Variants in TRIML1 observed in about 807,000 individuals in gnomAD.
TRIML1 encodes the protein probable E3 ubiquitin-protein ligase TRIML1.
TRIML1 carries 34 observed loss-of-function variants against 32.3 expected under a neutral mutation model. The observed-to-expected ratio is 1.05, with a 90% CI of 0.80 to 1.40. The LOEUF is 1.40. Ranked by LOEUF, TRIML1 falls within the 40% of genes most tolerant of loss-of-function variation. The probability of loss-of-function intolerance (pLI) is 0.00; values close to 1 mark genes in which losing one functional copy is unlikely to be tolerated. For missense variants in TRIML1, 595 were observed against 574.9 expected (o/e 1.03, Z -0.36); for synonymous variants, 244 against 226.6 (o/e 1.08, Z -0.69).
rs1734819246 is a variant in TRIML1, at chr4:188,140,643, T to C, written c.504+20T>C. The C allele has an allele frequency of 1.3e-6, 2 of 1,576,890 alleles. No homozygotes were observed. Among genetic ancestry groups the C allele is most frequent in the African/African-American group, 2.7e-5 (2 of 74,156 alleles). ...TGCCAGGTCGGTGTCTGTCTGACTT[T>C]TGCTGCTTGTATATGACCCCATAAG... On this transcript the variant is annotated intron_variant, in intron 2 of 5. Coordinates refer to ENST00000332517, the MANE Select transcript of TRIML1 (RefSeq NM_178556.5).
chr4:188,149,962 A>C (rs1351878923), downstream of TRIML1, among the ~76,000 whole-genome samples: 2 of 151,754 alleles, frequency 1.3e-5, no homozygotes, highest in Non-Finnish European at 2.9e-5. Context: ...GCGCACCACC[A>C]TGCCCAGCTA....
downstream of TRIML1, among the ~76,000 whole-genome samples, chr4:188,149,923 C>T (rs1294012201): frequency 3.9e-5 from 6 of 152,060 alleles, no homozygotes; most frequent in Admixed American, 3.9e-4. Flanking sequence ...CTGCCTCAGC[C>T]TCCCGAGTAG....
downstream of TRIML1, among the ~76,000 whole-genome samples, chr4:188,150,537 C>A (rs1025946384): frequency 6.6e-6 from 1 of 152,092 alleles, no homozygotes; most frequent in African/African-American, 2.4e-5. Flanking sequence ...TTCTCAATTA[C>A]CAAAAATCCC....
At chr4:188,137,523 G>T (rs1295939750), upstream of TRIML1, among the ~76,000 whole-genome samples, 8 of 146,624 alleles carry the variant, frequency 5.5e-5, no homozygotes, top group African/African-American at 2.0e-4. Context: ...TGTTGCCCAG[G>T]CTGGAGTGCA....
chr4:188,140,661 C>T, intron 2 of TRIML1, 38 bp downstream of exon 2: 1 of 1,427,458 alleles, frequency 7.0e-7, no homozygotes, highest in Non-Finnish European at 9.8e-7. Context: ...TGTATATGAC[C>T]CCATAAGGGG....
rs1300689288 is a variant in TRIML1, at chr4:188,147,575, G to A, written c.*203G>A. ...TCAACTTCAACCCCAATAGAAGAGA[G>A]CTGATCATATTCTGTGTCTTTAAGT... On this transcript the variant is annotated 3_prime_UTR_variant, in exon 6 of 6. Coordinates refer to ENST00000332517, the MANE Select transcript of TRIML1 (RefSeq NM_178556.5). 1.7e-5 allele frequency: 7 copies of A among 405,292 alleles called. No homozygotes were observed. The highest frequency in any genetic ancestry group is 2.6e-5 in the Non-Finnish European group (6 of 232,484). 25.1% of individuals were successfully genotyped at this position (405,292 alleles called of 1,614,324 possible).
In TRIML1 at chr4:188,147,115, G is replaced by C. The variant is rs766232239; in HGVS notation, c.1150G>C (p.Gly384Arg). 1 of 1,613,930 alleles carries C rather than the reference G, an allele frequency of 6.2e-7. No homozygotes were observed. The highest frequency in any genetic ancestry group is 8.5e-7 in the Non-Finnish European group (1 of 1,180,026). ...GTTCTCACTAATAGGTTTAAAAATCGGAGATGATTACAGCCTCTGGGTCTC... is the reference window on the plus strand; with the variant it reads ...GTTCTCACTAATAGGTTTAAAAATCCGAGATGATTACAGCCTCTGGGTCTC... ...DLFSLIGLKI[G>R]DDYSLWVSSP... Residue 384 changes from glycine (G) to arginine (R), a missense_variant, in exon 6 of 6, where the codon GGA (glycine) becomes CGA (arginine). Physicochemically the swap from Gly to Arg is moderately radical, Grantham distance 125. Coordinates refer to ENST00000332517, the MANE Select transcript of TRIML1 (RefSeq NM_178556.5).
At chr4:188,143,609 A>G in intron 3 of TRIML1, 1 of 594,000 alleles carries the variant, frequency 1.7e-6, no homozygotes, top group Non-Finnish European at 3.0e-6. Context: ...ATACGAGAAA[A>G]AGAAAAGGAC....
rs1367003758 is a variant in TRIML1 at position 188,146,816 on chromosome 4, T to C, written c.857-6T>C. 7.4e-7 allele frequency: 1 copy of C among 1,360,492 alleles called. No homozygotes were observed. The highest frequency in any genetic ancestry group is 9.5e-7 in the Non-Finnish European group (1 of 1,050,562). The allele number at this position is 1,360,492 out of a possible 1,614,324, so 84.3% of individuals were successfully genotyped here. A position where few individuals can be genotyped will look rare whatever the true frequency, so the allele number is the denominator to read the frequency against. ...AAGGGAAATCTCTTCTTTCCTCCTC[T>C]TGCAGCGGAGATAACGCTGGACCCA... On this transcript the variant is annotated splice_region_variant and splice_polypyrimidine_tract_variant and intron_variant, in intron 5 of 5. Transcript: ENST00000332517.
intron 2 of TRIML1, among the ~76,000 whole-genome samples, chr4:188,141,668 C>G (rs1560970865): frequency 6.6e-6 from 1 of 152,136 alleles, no homozygotes; most frequent in Non-Finnish European, 1.5e-5. Context: ...GTTTTCTCCA[C>G]TAGAACGACC....
chr4:188,146,425 T>C (rs2111237811), intron 5 of TRIML1, among the ~76,000 whole-genome samples: 1 of 152,336 alleles, frequency 6.6e-6, no homozygotes, highest in South Asian at 2.1e-4. Flanking sequence ...ACTGTTTTTT[T>C]CTGAAACTGA....
intron 2 of TRIML1, 199 bp downstream of exon 2, chr4:188,140,822 TA>T: frequency 3.9e-6 from 2 of 519,268 alleles, no homozygotes; most frequent in South Asian, 5.1e-5. Context: ...TCGCCCCCTC[TA>T]GGAGCCTCCT....
At chr4:188,138,169 GA>G (rs1336308418), upstream of TRIML1, among the ~76,000 whole-genome samples, 3 of 152,070 alleles carry the variant, frequency 2.0e-5, no homozygotes, top group Non-Finnish European at 4.4e-5. Flanking sequence ...AATGATTTCA[GA>G]AAGGTGAGTT....
chr4:188,147,439 A>G lies in TRIML1; in HGVS notation c.*67A>G. 14 of 1,342,684 alleles carry G rather than the reference A, an allele frequency of 1.0e-5. No homozygotes were observed. Among genetic ancestry groups the G allele is most frequent in the Non-Finnish European group, 1.4e-5 (14 of 1,027,856 alleles). The allele number at this position is 1,342,684 out of a possible 1,614,324, so 83.2% of individuals were successfully genotyped here. A position where few individuals can be genotyped will look rare whatever the true frequency, so the allele number is the denominator to read the frequency against. On this transcript the variant is annotated 3_prime_UTR_variant, in exon 6 of 6. Coordinates refer to ENST00000332517, the MANE Select transcript of TRIML1 (RefSeq NM_178556.5). ...CAAGACACAACTATTAAGACGATGA[A>G]GGCATCGACAGTATTAATGTCAGGT... is the stretch of plus-strand genomic sequence containing the variant.
chr4:188,140,831 C>T (rs1427296528), intron 2 of TRIML1: 2 of 496,190 alleles, frequency 4.0e-6, no homozygotes, highest in African/African-American at 3.9e-5. Flanking sequence ...CTAGGAGCCT[C>T]CTTTGCATAA....
chr4:188,146,625 G>A (rs1735089470), intron 5 of TRIML1, among the ~76,000 whole-genome samples, 197 bp from the exon 6 acceptor site: 1 of 152,094 alleles, frequency 6.6e-6, no homozygotes, highest in Admixed American at 6.6e-5. Context: ...GCCCAGGCTG[G>A]TCTTGAACTC....
At chr4:188,140,424 C>A (rs1734809584) in intron 1 of TRIML1, 104 bp from the exon 2 acceptor site, 3 of 889,124 alleles carry the variant, frequency 3.4e-6, no homozygotes, top group Non-Finnish European at 1.8e-6. Context: ...ACCCAGCCTG[C>A]CCTTTGTTTT....
At chr4:188,144,437 A>T (rs13114597) in intron 5 of TRIML1, among the ~76,000 whole-genome samples, 1 of 144,342 alleles carries the variant, frequency 6.9e-6, no homozygotes, top group Admixed American at 6.9e-5. Context: ...ATCTCGGCTC[A>T]CTGCAAGCTC....
chr4:188,138,075 C>G (rs977171106), upstream of TRIML1, among the ~76,000 whole-genome samples: 14 of 152,110 alleles, frequency 9.2e-5, no homozygotes, highest in Middle Eastern at 0.01. Flanking sequence ...ACTCTTTGCT[C>G]TTATTTTTTC....
Sources: allele counts gnomAD v4.1 joint callset (sites outside exome capture counted in the v4.1 genomes callset), GRCh38; gene constraint gnomAD v4.1.1; transcripts MANE v1.5; gene names NCBI Gene and HGNC (gene_info 2026-07-23, HGNC 2026-07-21).